The following RAB44 variants were observed in gnomAD, a reference collection of about 807,000 sequenced individuals.
The protein encoded by RAB44 is ras-related protein Rab-44.
In RAB44, 67 loss-of-function variants were observed where a neutral mutation model predicts 93.3. The ratio of observed to expected loss-of-function variants is 0.72; its 90% CI spans 0.59 to 0.88. The LOEUF (loss-of-function observed/expected upper bound fraction) is 0.88. RAB44 is among the 40% of genes least tolerant of loss of function. RAB44 has a pLI of 0.00. For missense variants in RAB44, 1,064 were observed against 1,261.7 expected, an observed-to-expected ratio of 0.84 and a Z score of 2.37; for synonymous variants, 427 against 520.3, an observed-to-expected ratio of 0.82 and a Z score of 2.44.
chr6:36,726,930 A>C (rs186043427), intron 10 of RAB44, among the ~76,000 whole-genome samples: 2 of 150,570 alleles, frequency 1.3e-5, no homozygotes, highest in East Asian at 3.9e-4. Context: ...CCTCCTGAGG[A>C]GCTGGGACTA....
intron 2 of RAB44, among the ~76,000 whole-genome samples, chr6:36,704,822 T>A (rs1160616503): frequency 1.3e-5 from 2 of 152,134 alleles, no homozygotes; most frequent in African/African-American, 4.8e-5. Context: ...TGTGTCCCCA[T>A]AAAGAGTCTT....
At position 36,727,687 on chromosome 6, in the gene RAB44, T is replaced by C. The variant is rs1763272372; in HGVS notation, c.2792T>C (p.Leu931Pro). The C allele has an allele frequency of 1.3e-6, 2 of 1,548,816 alleles. No individual in the cohort carries two copies. Among genetic ancestry groups the C allele is most frequent in the South Asian group, 2.4e-5 (2 of 84,038 alleles). ...FAHVRYWLDC[L>P]QDAGSDGVVI... ...CACGTGCGCTACTGGCTAGACTGTC[T>C]CCAGGTGAGCAGATGGCTGCTGGGG... Residue 931 changes from leucine to proline, a missense_variant, in exon 11 of 14, where the codon CTC (leucine) becomes CCC (proline). Physicochemically the swap from Leu to Pro is moderately conservative, Grantham distance 98 (BLOSUM62 -3). Coordinates refer to ENST00000612677, the MANE Select transcript of RAB44 (RefSeq NM_001257357.2).
Position 36,721,582 on chromosome 6 carries a change from G to A in RAB44, c.1448G>A (p.Gly483Asp). Residue 483 changes from glycine (G) to aspartate (D), a missense_variant, in exon 9 of 14, where the codon GGT becomes GAT. Physicochemically the swap from Gly to Asp is moderately conservative, Grantham distance 94 (BLOSUM62 -1). Transcript: ENST00000612677. Reference protein sequence around the residue: ...GSTPEGRLLWGLSGSLVAPAF... With the variant: ...GSTPEGRLLWDLSGSLVAPAF... The stretch of plus-strand genomic sequence containing the variant: ...ACACCCGAGGGCCGCCTCCTCTGGG[G>A]TCTCTCAGGAAGCCTGGTGGCACCT... 1 of 1,234,532 alleles carries A rather than the reference G, an allele frequency of 8.1e-7. No homozygotes were observed. Among genetic ancestry groups the A allele is most frequent in the Non-Finnish European group, 1.0e-6 (1 of 988,340 alleles). The allele number at this position is 1,234,532 out of a possible 1,614,324, so 76.5% of individuals were successfully genotyped here.
At chr6:36,702,295 A>G (rs1229855477) in intron 1 of RAB44, among the ~76,000 whole-genome samples, 9 of 10,606 alleles carry the variant, frequency 8.5e-4, no homozygotes, top group Non-Finnish European at 9.9e-4. Flanking sequence ...TCGAAGGGGG[A>G]GAGAGAGAGA....
intron 9 of RAB44, 127 bp from the exon 10 acceptor site, chr6:36,725,735 A>G (rs1763221333): frequency 1.5e-6 from 1 of 677,584 alleles, no homozygotes; most frequent in Non-Finnish European, 2.7e-6. Flanking sequence ...AGCCGAGGGG[A>G]AGCCCGGCAG....
At chr6:36,723,789 C>T (rs55713615) in intron 9 of RAB44, among the ~76,000 whole-genome samples, 7,160 of 142,352 alleles carry the variant, frequency 0.05, 267 homozygotes, top group Admixed American at 0.095. Flanking sequence ...GAGTCGAGAT[C>T]GCACCACTGC....
rs202098834 is a variant in RAB44 at position 36,731,194 on chromosome 6, C to T, written c.2975+445C>T. Among the ~76,000 whole-genome samples the T allele has an allele frequency of 6.7e-6, 1 of 150,124 alleles. No individual in the cohort carries two copies. Among genetic ancestry groups the T allele is most frequent in the Non-Finnish European group, 1.5e-5 (1 of 67,190 alleles). The stretch of plus-strand genomic sequence containing the variant: ...ACACACTCACACTCTTACACACACT[C>T]ACACTCACACACACACACTTGCCAA... On this transcript the variant is annotated intron_variant, in intron 13 of 13. Coordinates refer to ENST00000612677, the MANE Select transcript of RAB44 (RefSeq NM_001257357.2). This position sits in a 1 kb window ranked among gnomAD's most constrained non-coding sequence, Gnocchi z 4.0.
At chr6:36,714,389 A>G (rs1762864817) in intron 3 of RAB44, among the ~76,000 whole-genome samples, 1 of 152,180 alleles carries the variant, frequency 6.6e-6, no homozygotes, top group Non-Finnish European at 1.5e-5. Context: ...CCAGCAGGGC[A>G]CAATCCTCCC....
intron 13 of RAB44, 23 bp downstream of exon 13, chr6:36,730,772 C>A: frequency 9.3e-7 from 1 of 1,072,934 alleles, no homozygotes; most frequent in Non-Finnish European, 1.2e-6. Context: ...CGCCCCCCGC[C>A]GCCCCCACCC....
In RAB44 at chr6:36,722,688, C is replaced by A. The variant is rs1281571371; in HGVS notation, c.2554C>A (p.Leu852Met). Residue 852 changes from leucine (L) to methionine (M), a missense_variant, in exon 9 of 14, where the codon CTG becomes ATG. Physicochemically the swap from Leu to Met is conservative, Grantham distance 15. Transcript: ENST00000612677. ...CGTGGGCAAAACATCCTTCCTGCAC[C>A]TGCTGCACCAGAATTCTTTCGCCAC... ...SNVGKTSFLH[L>M]LHQNSFATGL... 1.9e-6 allele frequency: 3 copies of A among 1,550,654 alleles called. No individual in the cohort carries two copies. The highest frequency in any genetic ancestry group is 3.3e-4 in the Middle Eastern group (2 of 5,992).
rs1763374087 is a variant in RAB44 at position 36,731,991 on chromosome 6, A to G, written c.2976-12A>G. 8.1e-7 allele frequency: 1 copy of G among 1,233,350 alleles called. No homozygotes were observed. The highest frequency in any genetic ancestry group is 1.0e-6 in the Non-Finnish European group (1 of 987,792). 76.4% of individuals were successfully genotyped at this position (1,233,350 alleles called of 1,614,324 possible). Reference sequence around the variant, plus strand: ...GTGAGAGAGAGGCCTGATGCCTGGCACTGTCACATAGGTCACTCAGGATGC... The same window carrying G: ...GTGAGAGAGAGGCCTGATGCCTGGCGCTGTCACATAGGTCACTCAGGATGC... On this transcript the variant is annotated splice_polypyrimidine_tract_variant and intron_variant, in intron 13 of 13. Coordinates refer to ENST00000612677, the MANE Select transcript of RAB44 (RefSeq NM_001257357.2). This position sits in a 1 kb window ranked among gnomAD's most constrained non-coding sequence, Gnocchi z 4.0.
At chr6:36,714,075 G>T in intron 3 of RAB44, 136 bp downstream of exon 3, 1 of 641,150 alleles carries the variant, frequency 1.6e-6, no homozygotes, top group Non-Finnish European at 2.8e-6. Flanking sequence ...TGCCACAGTG[G>T]TCCGGGGCCC....
intron 8 of RAB44, 82 bp downstream of exon 8, chr6:36,720,632 C>G: frequency 9.5e-7 from 1 of 1,058,094 alleles, no homozygotes; most frequent in Non-Finnish European, 1.2e-6. Flanking sequence ...CTCTAAGGAT[C>G]TAGCTAGCAC....
At position 36,731,789 on chromosome 6, in the gene RAB44, G is replaced by A. The variant is rs1443068345; in HGVS notation, c.2976-214G>A. On this transcript the variant is annotated intron_variant, in intron 13 of 13. Transcript: ENST00000612677. This position sits in a 1 kb window ranked among gnomAD's most constrained non-coding sequence, Gnocchi z 4.0. ...TGGTGGCTTCTTTGTCATAGTCAGAGTCCTGCACAGTGCCTGGCACATAGT... is the reference window on the plus strand; with the variant it reads ...TGGTGGCTTCTTTGTCATAGTCAGAATCCTGCACAGTGCCTGGCACATAGT... 2.6e-5 allele frequency among the ~76,000 whole-genome samples: 4 copies of A among 152,178 alleles called. No individual in the cohort carries two copies. The highest frequency in any genetic ancestry group is 7.2e-5 in the African/African-American group (3 of 41,424).
At chr6:36,704,806 T>A (rs187744775) in intron 2 of RAB44, among the ~76,000 whole-genome samples, 1 of 152,200 alleles carries the variant, frequency 6.6e-6, no homozygotes, top group Admixed American at 6.5e-5. Context: ...AGATCAGCCA[T>A]GGTTGTGTGT....
At chr6:36,716,191 C>T (rs184021127) in intron 4 of RAB44, among the ~76,000 whole-genome samples, 109 of 151,686 alleles carry the variant, frequency 7.2e-4, no homozygotes, top group Middle Eastern at 3.5e-3. Context: ...GAGCCCTGGC[C>T]GGGCACGGTG....
In RAB44 at chr6:36,722,162, T is replaced by C. The variant is rs145384143; in HGVS notation, c.2028T>C (p.Ser676=). Residue 676 remains serine, a synonymous_variant, in exon 9 of 14, where the codon TCT becomes TCC. Transcript: ENST00000612677. ...AGGAGCTGGAAGAGGAACCCAGGTC[T>C]GAGGAAGGAAAACAAGAGGGCAGAG... ...PHQELEEEPR[S]EEGKQEGRGG... is the part of the protein sequence containing the mutation. 1,783 of 1,237,196 alleles carry C rather than the reference T, an allele frequency of 1.4e-3. 11 individuals are homozygous for C. In the African/African-American group the frequency reaches 0.024, roughly 17 times the overall value. The allele number at this position is 1,237,196 out of a possible 1,614,324, so 76.6% of individuals were successfully genotyped here. A position where few individuals can be genotyped will look rare whatever the true frequency, so the allele number is the denominator to read the frequency against.
intron 1 of RAB44, among the ~76,000 whole-genome samples, chr6:36,700,518 C>T (rs577669298): frequency 6.6e-6 from 1 of 152,280 alleles, no homozygotes; most frequent in African/African-American, 2.4e-5. Flanking sequence ...TAGCTCACTG[C>T]AGTTTTGACC....
chr6:36,715,280 C>A (rs1045790661), intron 3 of RAB44, among the ~76,000 whole-genome samples, 199 bp from the exon 4 acceptor site: 2 of 152,114 alleles, frequency 1.3e-5, no homozygotes, highest in Non-Finnish European at 2.9e-5. Flanking sequence ...CGTCTCTGGG[C>A]CTCAGGTACT....
Sources: gnomAD v4.1 joint callset for allele counts (sites outside exome capture counted in the v4.1 genomes callset) on GRCh38, gnomAD v4.1.1 for gene constraint, Gnocchi (gnomAD v3.1) non-coding constraint, MANE v1.5 for transcripts, NCBI Gene and HGNC (gene_info 2026-07-23, HGNC 2026-07-21) for gene names.